The following PPP1R9A variants were observed in gnomAD, a reference collection of about 807,000 sequenced individuals.
PPP1R9A encodes the protein neurabin-1.
PPP1R9A carries 59 observed loss-of-function variants against 141.9 expected under a neutral mutation model. That is an observed-to-expected ratio of 0.42 (90% CI 0.34 to 0.52). PPP1R9A has a LOEUF of 0.52. PPP1R9A is among the 20% of genes least tolerant of loss of function. The pLI is 0.10. For missense variants in PPP1R9A, 1,444 were observed against 1,611.9 expected (o/e 0.90, Z 1.78); for synonymous variants, 500 against 569.7 (o/e 0.88, Z 1.74).
At chr7:95,003,172 A>G (rs1486232327) in intron 2 of PPP1R9A, among the ~76,000 whole-genome samples, 1 of 152,162 alleles carries the variant, frequency 6.6e-6, no homozygotes, top group Non-Finnish European at 1.5e-5. Flanking sequence ...TAATTTTAGT[A>G]AAGTGTCATT....
At chr7:94,956,319 A>G (rs892966298) in intron 2 of PPP1R9A, among the ~76,000 whole-genome samples, 1 of 152,102 alleles carries the variant, frequency 6.6e-6, no homozygotes, top group African/African-American at 2.4e-5. Flanking sequence ...TTTATTTCTA[A>G]ACAAAAACCT....
chr7:95,181,285 A>G (rs1305670263), intron 5 of PPP1R9A, among the ~76,000 whole-genome samples: 2 of 143,090 alleles, frequency 1.4e-5, no homozygotes, highest in African/African-American at 2.6e-5. Context: ...TATATATTCC[A>G]TCATATATAT....
chr7:94,941,007 T>C (rs539184280), intron 2 of PPP1R9A, among the ~76,000 whole-genome samples: 2 of 152,246 alleles, frequency 1.3e-5, no homozygotes, highest in Non-Finnish European at 2.9e-5. Flanking sequence ...ATTTGGGGAA[T>C]ACATTATGCA....
chr7:95,254,280 T>A (rs891164189), intron 12 of PPP1R9A, among the ~76,000 whole-genome samples: 1 of 152,172 alleles, frequency 6.6e-6, no homozygotes, highest in African/African-American at 2.4e-5. Flanking sequence ...GATAAATCTC[T>A]TTGAATTTCA....
chr7:94,993,615 G>A (rs942933862), intron 2 of PPP1R9A, among the ~76,000 whole-genome samples: 1 of 151,210 alleles, frequency 6.6e-6, no homozygotes, highest in African/African-American at 2.4e-5. Context: ...CTTTTTTTTT[G>A]CTGGGTTTAT....
intron 7 of PPP1R9A, among the ~76,000 whole-genome samples, chr7:95,212,610 G>A (rs921942143): frequency 6.6e-6 from 1 of 152,130 alleles, no homozygotes; most frequent in Admixed American, 6.5e-5. Flanking sequence ...TGTGGTTATT[G>A]GTACCACCTC....
intron 5 of PPP1R9A, among the ~76,000 whole-genome samples, chr7:95,177,960 G>A (rs1318312686): frequency 2.0e-5 from 3 of 152,080 alleles, no homozygotes; most frequent in African/African-American, 7.2e-5. Context: ...TCCACTGACA[G>A]CACTAGACAG....
chr7:95,133,510 G>A (rs1022126723), intron 4 of PPP1R9A, among the ~76,000 whole-genome samples: 5 of 49,844 alleles, frequency 1.0e-4, no homozygotes, highest in Admixed American at 3.4e-4. Flanking sequence ...TTATGCAGTC[G>A]TATTATATAT....
At chr7:95,062,564 T>G (rs1188368789) in intron 2 of PPP1R9A, among the ~76,000 whole-genome samples, 1 of 151,770 alleles carries the variant, frequency 6.6e-6, no homozygotes, top group African/African-American at 2.4e-5. Context: ...ATTTTTGTAT[T>G]TTTAGTAGAG....
At position 95,068,425 on chromosome 7, in the gene PPP1R9A, G is replaced by A. The variant is rs537395105; in HGVS notation, c.1396-42834G>A. Among the ~76,000 whole-genome samples, 5 of 118,840 alleles carry A rather than the reference G, an allele frequency of 4.2e-5. No individual in the cohort carries two copies. The South Asian group carries it at 1.2e-3, about 28-fold the overall frequency. 78.0% of individuals were successfully genotyped at this position (118,840 alleles called of 152,430 possible). On this transcript the variant is annotated intron_variant, in intron 2 of 19. Coordinates refer to ENST00000433360, the MANE Select transcript of PPP1R9A (RefSeq NM_001166160.2). ...GTGGAGATTGCGGTGAGCCGAGATC[G>A]CACCATTACACTCCAGCCTGGGTGA...
chr7:95,076,478 A>T (rs1814879405), intron 2 of PPP1R9A, among the ~76,000 whole-genome samples: 1 of 152,122 alleles, frequency 6.6e-6, no homozygotes. Context: ...TTGAATTTGG[A>T]TCTTTCTGGA....
chr7:95,291,533 C>T lies in PPP1R9A; in HGVS notation c.*1230C>T, dbSNP rs1806360995. 6.6e-6 allele frequency: 1 copy of T among 152,124 alleles called. No homozygotes were observed. Among genetic ancestry groups the T allele is most frequent in the African/African-American group, 2.4e-5 (1 of 41,412 alleles). The allele number at this position is 152,124 out of a possible 1,614,324, so 9.4% of individuals were successfully genotyped here. A position where few individuals can be genotyped will look rare whatever the true frequency, so the allele number is the denominator to read the frequency against. On this transcript the variant is annotated 3_prime_UTR_variant, in exon 20 of 20. Coordinates refer to ENST00000433360, the MANE Select transcript of PPP1R9A (RefSeq NM_001166160.2). ...GGAGGAACTTATACTAATTTTAAGC[C>T]AGCATTAAGGATTTCCATGTTTCAC... is the stretch of plus-strand genomic sequence containing the variant.
intron 5 of PPP1R9A, among the ~76,000 whole-genome samples, chr7:95,166,246 A>G (rs1831247906): frequency 6.6e-6 from 1 of 152,186 alleles, no homozygotes; most frequent in Non-Finnish European, 1.5e-5. Flanking sequence ...TAATATGGAA[A>G]GTAGAATATT....
intron 2 of PPP1R9A, among the ~76,000 whole-genome samples, chr7:95,021,389 A>G (rs1475963359): frequency 2.0e-5 from 3 of 151,446 alleles, no homozygotes; most frequent in African/African-American, 7.3e-5. Flanking sequence ...TCAGATGGAT[A>G]GATTGCAAAA....
chr7:94,921,403 C>T (rs1027217523), intron 2 of PPP1R9A, among the ~76,000 whole-genome samples: 2 of 149,816 alleles, frequency 1.3e-5, no homozygotes, highest in Non-Finnish European at 3.0e-5. Context: ...GCTGAGAGGG[C>T]GCCACTGCAC....
In PPP1R9A at chr7:95,295,385, G is replaced by A. The variant is rs541703059; in HGVS notation, c.*5082G>A. On this transcript the variant is annotated 3_prime_UTR_variant, in exon 20 of 20. Transcript: ENST00000433360. The stretch of plus-strand genomic sequence containing the variant: ...GTAAGAAAATTTCCTCAAATATTTG[G>A]CTAATGCTTTGATGTCAAGATTGCA... 7.9e-5 allele frequency: 12 copies of A among 152,450 alleles called. No homozygotes were observed. The highest frequency in any genetic ancestry group is 1.3e-4 in the Non-Finnish European group (9 of 68,004). The allele number at this position is 152,450 out of a possible 1,614,324, so 9.4% of individuals were successfully genotyped here.
intron 8 of PPP1R9A, among the ~76,000 whole-genome samples, chr7:95,240,793 A>T: frequency 6.6e-6 from 1 of 151,940 alleles, no homozygotes; most frequent in East Asian, 1.9e-4. Flanking sequence ...ATCTTAAAAT[A>T]TTTTTTTACT....
intron 12 of PPP1R9A, among the ~76,000 whole-genome samples, chr7:95,267,554 C>T (rs1282608382): frequency 5.9e-5 from 9 of 151,992 alleles, no homozygotes; most frequent in Non-Finnish European, 7.4e-5. Flanking sequence ...ATGTTAACTT[C>T]GGGGTCCTAA....
intron 7 of PPP1R9A, among the ~76,000 whole-genome samples, chr7:95,220,380 A>G (rs1563443510): frequency 6.6e-6 from 1 of 152,124 alleles, no homozygotes. Context: ...AATTAAGGCT[A>G]TTTTTGTGAT....
Sources: gnomAD v4.1 joint callset for allele counts (sites outside exome capture counted in the v4.1 genomes callset) on GRCh38, gnomAD v4.1.1 for gene constraint, MANE v1.5 for transcripts, NCBI Gene and HGNC (gene_info 2026-07-23, HGNC 2026-07-21) for gene names.